Variants in EPHA8 observed in about 807,000 individuals in gnomAD.
The protein encoded by EPHA8 is EPH receptor A8, also known as ephrin type-A receptor 8.
EPHA8 carries 58 observed loss-of-function variants against 103.6 expected under a neutral mutation model. The observed-to-expected ratio is 0.56, with a 90% confidence interval of 0.45 to 0.70. The LOEUF (loss-of-function observed/expected upper bound fraction) is 0.70, where lower values mean the gene tolerates loss of function less well. Among genes scored for constraint, EPHA8 ranks in the 30% least tolerant of loss-of-function variants. The pLI is 0.00. For missense variants in EPHA8, 1,304 were observed against 1,395.2 expected, an observed-to-expected ratio of 0.93 and a Z score of 1.04; for synonymous variants, 559 against 572.5, an observed-to-expected ratio of 0.98 and a Z score of 0.34.
chr1:22,600,955 G>C lies in EPHA8; in HGVS notation c.2596G>C (p.Ala866Pro). ...GCCCGCACCCATGGGCTGCCCCCAC[G>C]CCCTGCACCAGCTCATGCTCGACTG... The part of the protein sequence containing the change: ...RLPAPMGCPH[A>P]LHQLMLDCWH... Residue 866 changes from alanine to proline, a missense_variant, in exon 15 of 17, where the codon GCC (alanine) becomes CCC (proline). Coordinates refer to ENST00000166244, the MANE Select transcript of EPHA8 (RefSeq NM_020526.5). 1.2e-6 allele frequency: 2 copies of C among 1,612,842 alleles called. No homozygotes were observed. The highest frequency in any genetic ancestry group is 1.7e-6 in the Non-Finnish European group (2 of 1,179,776).
chr1:22,599,690 A>G (rs763473313), intron 13 of EPHA8, among the ~76,000 whole-genome samples: 1,016 of 16,568 alleles, frequency 0.061, 154 homozygotes, highest in African/African-American at 0.3. Flanking sequence ...AAGGAAGGAA[A>G]GGAGGGAGGG....
Position 22,601,981 on chromosome 1 carries a change from T to C in EPHA8, c.*240T>C. 1.7e-6 allele frequency: 1 copy of C among 574,356 alleles called. No homozygotes were observed. The highest frequency in any genetic ancestry group is 3.0e-6 in the Non-Finnish European group (1 of 329,038). 35.6% of individuals were successfully genotyped at this position (574,356 alleles called of 1,614,324 possible). On this transcript the variant is annotated 3_prime_UTR_variant, in exon 17 of 17. Coordinates refer to ENST00000166244, the MANE Select transcript of EPHA8 (RefSeq NM_020526.5). The stretch of plus-strand genomic sequence containing the variant: ...GTCCCCCAGGGCAGGCACCTTCTCT[T>C]TTCCAGAGCCTGGGGCCTCCACGTC...
Position 22,576,998 on chromosome 1 carries a change from C to T in EPHA8, c.823+118C>T, listed in dbSNP as rs1252215721. 1.7e-6 allele frequency: 2 copies of T among 1,197,726 alleles called. No homozygotes were observed. The highest frequency in any genetic ancestry group is 2.3e-6 in the Non-Finnish European group (2 of 882,718). The allele number at this position is 1,197,726 out of a possible 1,614,324, so 74.2% of individuals were successfully genotyped here. ...CAGGCACCTGAGTGACCCACACAGC[C>T]CCTGGGAAGATGGATAAACCTCCAG... On this transcript the variant is annotated intron_variant, in intron 3 of 16. Transcript: ENST00000166244. This position sits in a 1 kb window ranked among gnomAD's most constrained non-coding sequence, Gnocchi z 4.8.
chr1:22,565,579 C>T (rs942760480), intron 1 of EPHA8, among the ~76,000 whole-genome samples: 2 of 152,160 alleles, frequency 1.3e-5, no homozygotes, highest in Non-Finnish European at 2.9e-5. Context: ...GGTGCACCCC[C>T]AACCCCCTGC....
intron 2 of EPHA8, among the ~76,000 whole-genome samples, chr1:22,571,154 C>T (rs143473510): frequency 2.0e-3 from 304 of 152,290 alleles, no homozygotes; most frequent in African/African-American, 6.2e-3. Context: ...GCATGGCTGG[C>T]CTCGTGTTTT....
chr1:22,576,762 G>A lies in EPHA8; in HGVS notation c.705G>A (p.Arg235=), dbSNP rs1257982852. ...SLVEVRGQCV[R]HSEERDTPKM... ...TGGAGGTGAGGGGCCAGTGCGTGCG[G>A]CACTCAGAGGAGCGGGACACACCCA... Residue 235 remains arginine (R), a synonymous_variant, in exon 3 of 17, where the codon CGG becomes CGA. Coordinates refer to ENST00000166244, the MANE Select transcript of EPHA8 (RefSeq NM_020526.5). This position sits in a 1 kb window ranked among gnomAD's most constrained non-coding sequence, Gnocchi z 4.8. The A allele has an allele frequency of 6.2e-7, 1 of 1,613,658 alleles. No individual in the cohort carries two copies. Among genetic ancestry groups the A allele is most frequent in the Non-Finnish European group, 8.5e-7 (1 of 1,180,046 alleles).
intron 13 of EPHA8, 82 bp from the exon 14 acceptor site, chr1:22,600,579 T>A: frequency 6.5e-7 from 1 of 1,545,096 alleles, no homozygotes; most frequent in Non-Finnish European, 8.8e-7. Context: ...AGGACCCCAG[T>A]GTTTAGCTCT....
chr1:22,578,164 GTGTA>G (rs949001678), intron 3 of EPHA8, among the ~76,000 whole-genome samples: 7 of 89,418 alleles, frequency 7.8e-5, no homozygotes, highest in Admixed American at 2.5e-4. Flanking sequence ...GTGTGCATGA[GTGTA>G]TGTGTGCATG....
At position 22,589,421 on chromosome 1, in the gene EPHA8, C is replaced by T. The variant is rs1432563062; in HGVS notation, c.1315+215C>T. ...CTATAAGTAAGAGAAATCCCAAAAG[C>T]TCAGAGGCAGGCTAGTGTGGCCGTC... is the stretch of plus-strand genomic sequence containing the variant. On this transcript the variant is annotated intron_variant, in intron 5 of 16. Transcript: ENST00000166244. The surrounding 1 kb of genome is among the most constrained non-coding windows in gnomAD (Gnocchi z 4.3). The T allele has an allele frequency of 2.3e-5, 34 of 1,501,364 alleles. No homozygotes were observed. The highest frequency in any genetic ancestry group is 2.8e-5 in the Non-Finnish European group (32 of 1,132,698). 93.0% of individuals were successfully genotyped at this position (1,501,364 alleles called of 1,614,324 possible).
intron 5 of EPHA8, among the ~76,000 whole-genome samples, chr1:22,590,157 GC>G (rs1641335542): frequency 6.6e-6 from 1 of 152,152 alleles, no homozygotes; most frequent in Admixed American, 6.5e-5. Context: ...CAAGTGTGGT[GC>G]CAGGTGCTGG....
chr1:22,580,845 A>G (rs554766119), intron 3 of EPHA8, among the ~76,000 whole-genome samples: 36 of 152,296 alleles, frequency 2.4e-4, no homozygotes, highest in African/African-American at 7.5e-4. Flanking sequence ...ACAGGTCTGT[A>G]TTGCTCTGAG....
rs763326604 is a variant in EPHA8, at chr1:22,598,918, C to G, written c.2259C>G (p.Asp753Glu). 2 of 1,610,780 alleles carry G rather than the reference C, an allele frequency of 1.2e-6. No individual in the cohort carries two copies. The highest frequency in any genetic ancestry group is 8.5e-7 in the Non-Finnish European group (1 of 1,179,208). Residue 753 changes from aspartate to glutamate, a missense_variant, in exon 13 of 17, where the codon GAC (aspartate) becomes GAG (glutamate). Asp to Glu is a conservative substitution (Grantham distance 45). Transcript: ENST00000166244. The surrounding 1 kb of genome is among the most constrained non-coding windows in gnomAD (Gnocchi z 5.1). ...GVGAGMRYLS[D>E]LGYVHRDLAA... ...GTGCCGGCATGCGCTACCTCTCAGACCTGGGCTATGTCCACCGAGACCTGG... is the reference window on the plus strand; with the variant it reads ...GTGCCGGCATGCGCTACCTCTCAGAGCTGGGCTATGTCCACCGAGACCTGG...
At chr1:22,582,441 T>A (rs1316020164) in intron 3 of EPHA8, among the ~76,000 whole-genome samples, 1 of 152,194 alleles carries the variant, frequency 6.6e-6, no homozygotes, top group Non-Finnish European at 1.5e-5. Flanking sequence ...TACTTGATTT[T>A]GCAGAAGACA....
Position 22,589,495 on chromosome 1 carries a change from C to G in EPHA8, c.1315+289C>G. 2 of 1,449,144 alleles carry G rather than the reference C, an allele frequency of 1.4e-6. No individual in the cohort carries two copies. Among genetic ancestry groups the G allele is most frequent in the Non-Finnish European group, 1.8e-6 (2 of 1,107,766 alleles). 89.8% of individuals were successfully genotyped at this position (1,449,144 alleles called of 1,614,324 possible). On this transcript the variant is annotated intron_variant, in intron 5 of 16. Coordinates refer to ENST00000166244, the MANE Select transcript of EPHA8 (RefSeq NM_020526.5). This position sits in a 1 kb window ranked among gnomAD's most constrained non-coding sequence, Gnocchi z 4.3. ...CCCTCTCTGTGCCTCAGTTTCCTCC[C>G]TGGTGCAATGGGAATAATAGTACCT... is the stretch of plus-strand genomic sequence containing the variant.
In EPHA8 at chr1:22,597,559, A is replaced by G; in HGVS notation, c.1930+83A>G. 1.3e-6 allele frequency: 2 copies of G among 1,567,660 alleles called. No individual in the cohort carries two copies. Among genetic ancestry groups the G allele is most frequent in the Non-Finnish European group, 1.7e-6 (2 of 1,155,568 alleles). ...GGCAAGGTGGGGGCACCCAGGGCAG[A>G]GGGAGCGTGTGACCCAGGGGTCTGG... On this transcript the variant is annotated intron_variant, in intron 10 of 16. Coordinates refer to ENST00000166244, the MANE Select transcript of EPHA8 (RefSeq NM_020526.5). The surrounding 1 kb of genome is among the most constrained non-coding windows in gnomAD (Gnocchi z 4.6).
intron 1 of EPHA8, among the ~76,000 whole-genome samples, chr1:22,565,422 A>T (rs1001183050): frequency 6.6e-6 from 1 of 152,044 alleles, no homozygotes; most frequent in Non-Finnish European, 1.5e-5. Flanking sequence ...GGAGTAGGAA[A>T]GGGGGCAAGA....
chr1:22,571,841 A>T (rs1390098555), intron 2 of EPHA8, among the ~76,000 whole-genome samples: 1 of 152,132 alleles, frequency 6.6e-6, no homozygotes, highest in Non-Finnish European at 1.5e-5. Context: ...GTTCGAGACC[A>T]GCCTGGGCAA....
At chr1:22,570,001 C>T (rs3767560) in intron 2 of EPHA8, among the ~76,000 whole-genome samples, 5,488 of 152,192 alleles carry the variant, frequency 0.036, 138 homozygotes, top group East Asian at 0.11. Context: ...GGACTTGGGT[C>T]ACCATTTCAC....
At position 22,593,363 on chromosome 1, in the gene EPHA8, G is replaced by C; in HGVS notation, c.1353G>C (p.Ala451=). The change falls in exon 6 of 17, where the codon GCG becomes GCC. Residue 451 remains alanine (A), a synonymous_variant. Coordinates refer to ENST00000166244, the MANE Select transcript of EPHA8 (RefSeq NM_020526.5). ...SQVVVIRQER[A]GQTSVSLLWQ... is the part of the protein sequence containing the mutation. ...TGGTGGTGATCCGTCAAGAGCGGGC[G>C]GGGCAGACCAGCGTCTCGCTGCTGT... 6.3e-7 allele frequency: 1 copy of C among 1,586,476 alleles called. No individual in the cohort carries two copies. The highest frequency in any genetic ancestry group is 1.1e-5 in the South Asian group (1 of 87,288).
Sources: allele counts gnomAD v4.1 joint callset (sites outside exome capture counted in the v4.1 genomes callset), GRCh38; gene constraint gnomAD v4.1.1; non-coding constraint Gnocchi (gnomAD v3.1); transcripts MANE v1.5; gene names NCBI Gene and HGNC (gene_info 2026-07-23, HGNC 2026-07-21).